Variants in BDH1 observed in about 807,000 individuals in gnomAD.
The protein encoded by BDH1 is D-beta-hydroxybutyrate dehydrogenase, mitochondrial.
In BDH1, 30 loss-of-function variants were observed where a neutral mutation model predicts 33.1. The observed-to-expected ratio is 0.91, with a 90% CI of 0.68 to 1.23. The LOEUF (loss-of-function observed/expected upper bound fraction) is 1.23, where lower values mean the gene tolerates loss of function less well. BDH1 is among the 50% of genes most tolerant of loss of function. The probability of loss-of-function intolerance (pLI) is 0.00; values close to 1 mark genes in which losing one functional copy is unlikely to be tolerated. For missense variants in BDH1, 443 were observed against 464.4 expected (o/e 0.95, Z 0.42); for synonymous variants, 190 against 183.6 (o/e 1.03, Z -0.28).
At position 197,533,505 on chromosome 3, in the gene BDH1, G is replaced by A. The variant is rs1438031686; in HGVS notation, c.140C>T (p.Ala47Val). The change falls in exon 4 of 8, where the codon GCC becomes GTC. Residue 47 changes from alanine (A) to valine (V), a missense_variant. By Grantham distance (64) the Ala-to-Val change is moderately conservative. Transcript: ENST00000392379. ...SFIPIGRRTYASAAEPVGSKA... is the reference protein window; with the variant it reads ...SFIPIGRRTYVSAAEPVGSKA... Reference sequence around the variant, plus strand: ...TCCACTCACCGGCTCCGCCGCACTGGCATAAGTCCGACGGCCAATCGGGAT... The same window carrying A: ...TCCACTCACCGGCTCCGCCGCACTGACATAAGTCCGACGGCCAATCGGGAT... 6.2e-7 allele frequency: 1 copy of A among 1,614,244 alleles called. No homozygotes were observed. Among genetic ancestry groups the A allele is most frequent in the Non-Finnish European group, 8.5e-7 (1 of 1,180,034 alleles).
intron 1 of BDH1, among the ~76,000 whole-genome samples, chr3:197,555,038 C>T (rs972550742): frequency 6.6e-6 from 1 of 152,236 alleles, no homozygotes; most frequent in African/African-American, 2.4e-5. Flanking sequence ...CCAGCCAAAG[C>T]CCCCTTGTCC....
At chr3:197,524,849 G>A (rs991848549) in intron 5 of BDH1, among the ~76,000 whole-genome samples, 7 of 152,112 alleles carry the variant, frequency 4.6e-5, no homozygotes, top group African/African-American at 9.7e-5. Context: ...CACCGCTTCC[G>A]TTCCTGGACT....
At chr3:197,567,476 C>T (rs1429829932) in intron 1 of BDH1, among the ~76,000 whole-genome samples, 1 of 152,148 alleles carries the variant, frequency 6.6e-6, no homozygotes, top group Non-Finnish European at 1.5e-5. Flanking sequence ...ACCTGGAAGC[C>T]CCCTCCCTGT....
intron 3 of BDH1, among the ~76,000 whole-genome samples, chr3:197,542,714 G>T (rs1715756386): frequency 6.6e-6 from 1 of 151,954 alleles, no homozygotes; most frequent in South Asian, 2.1e-4. Flanking sequence ...TAGAGACGGG[G>T]CTTCTCCATG....
chr3:197,513,722 T>C (rs911978532), intron 7 of BDH1, among the ~76,000 whole-genome samples: 9 of 152,214 alleles, frequency 5.9e-5, no homozygotes, highest in East Asian at 5.8e-4. Flanking sequence ...TTTGCCACAA[T>C]TGTTTGCTAT....
At chr3:197,560,187 G>T (rs1190036584), upstream of BDH1, among the ~76,000 whole-genome samples, 1 of 152,182 alleles carries the variant, frequency 6.6e-6, no homozygotes, top group Non-Finnish European at 1.5e-5. Context: ...GGAATAAATA[G>T]TAACTTCTCT....
At position 197,520,587 on chromosome 3, in the gene BDH1, C is replaced by T. The variant is rs868817209; in HGVS notation, c.409+2053G>A. Among the ~76,000 whole-genome samples, 107 of 152,102 alleles carry T rather than the reference C, an allele frequency of 7.0e-4. No homozygotes were observed. The highest frequency in any genetic ancestry group is 2.5e-3 in the African/African-American group (103 of 41,414). On this transcript the variant is annotated intron_variant, in intron 6 of 7. Coordinates refer to ENST00000392379, the MANE Select transcript of BDH1 (RefSeq NM_203314.3). The surrounding 1 kb of genome is among the most constrained non-coding windows in gnomAD (Gnocchi z 6.0). ...CCAGCCTGAGCAAGCCGGCCTGGTG[C>T]GTTCTCTGCTTGGGTCTCCGGTGAT...
At position 197,512,070 on chromosome 3, in the gene BDH1, G is replaced by T; in HGVS notation, c.857C>A (p.Thr286Asn). The T allele has an allele frequency of 6.2e-7, 1 of 1,614,188 alleles. No individual in the cohort carries two copies. The highest frequency in any genetic ancestry group is 8.5e-7 in the Non-Finnish European group (1 of 1,180,030). Residue 286 changes from threonine (T) to asparagine (N), a missense_variant, in exon 8 of 8, where the codon ACC (threonine) becomes AAC (asparagine). Transcript: ENST00000392379. Reference protein sequence around the residue: ...YFDEKIAKMETYCSSGSTDTS... With the variant: ...YFDEKIAKMENYCSSGSTDTS... ...GTCTGTGGAGCCACTGCTGCAGTAG[G>T]TCTCCATCTTGGCGATCTTTTCATC...
At chr3:197,529,263 A>G (rs960278477) in intron 5 of BDH1, 1 of 152,250 alleles carries the variant, frequency 6.6e-6, no homozygotes, top group African/African-American at 2.4e-5. Context: ...AGGCAAAGAT[A>G]TATGTGCAAG....
upstream of BDH1, among the ~76,000 whole-genome samples, chr3:197,559,409 T>G (rs1164225619): frequency 6.6e-6 from 1 of 152,242 alleles, no homozygotes; most frequent in Non-Finnish European, 1.5e-5. Flanking sequence ...TTCTCATTAT[T>G]CTCCCCCTTT....
intron 1 of BDH1, among the ~76,000 whole-genome samples, chr3:197,562,000 T>C (rs570588015): frequency 6.6e-6 from 1 of 152,310 alleles, no homozygotes. Flanking sequence ...TGGAGTGTTG[T>C]GTTTTCTCTG....
At chr3:197,529,027 TG>T (rs1167319889) in intron 5 of BDH1, 1 of 152,232 alleles carries the variant, frequency 6.6e-6, no homozygotes, top group Admixed American at 6.5e-5. Context: ...TGGTTCTTGC[TG>T]GGACCCGCTG....
At chr3:197,536,613 G>C (rs2108747621) in intron 3 of BDH1, among the ~76,000 whole-genome samples, 1 of 152,204 alleles carries the variant, frequency 6.6e-6, no homozygotes, top group African/African-American at 2.4e-5. Flanking sequence ...GGCCGAGGCA[G>C]GTGGATCAAC....
At chr3:197,572,111 C>T (rs1717627918) in intron 1 of BDH1, among the ~76,000 whole-genome samples, 1 of 152,002 alleles carries the variant, frequency 6.6e-6, no homozygotes, top group Non-Finnish European at 1.5e-5. Context: ...TAAAGCATGA[C>T]AAAATAATGA....
chr3:197,552,923 T>C (rs1181084618), intron 2 of BDH1, among the ~76,000 whole-genome samples: 1 of 152,184 alleles, frequency 6.6e-6, no homozygotes, highest in Non-Finnish European at 1.5e-5. Context: ...CAATATTGAT[T>C]GATTGATTCA....
At chr3:197,569,246 G>GTT (rs34469658) in intron 1 of BDH1, among the ~76,000 whole-genome samples, 23 of 150,882 alleles carry the variant, frequency 1.5e-4, no homozygotes, top group East Asian at 9.7e-4. Context: ...TTGGAGTACA[G>GTT]TTTTTTTTTT....
chr3:197,524,718 T>G (rs1713912458), intron 5 of BDH1, among the ~76,000 whole-genome samples: 1 of 141,030 alleles, frequency 7.1e-6, no homozygotes, highest in Non-Finnish European at 1.5e-5. Context: ...GGTGGGGGGT[T>G]GTTTGGAGGT....
At chr3:197,532,634 C>T (rs755498143) in intron 4 of BDH1, 112 bp from the exon 5 acceptor site, 98 of 714,402 alleles carry the variant, frequency 1.4e-4, no homozygotes, top group Non-Finnish European at 2.1e-4. Flanking sequence ...TGGCCCAAGC[C>T]TGGCCCTCCC....
chr3:197,524,479 G>A (rs201718141), intron 5 of BDH1, among the ~76,000 whole-genome samples: 2 of 152,314 alleles, frequency 1.3e-5, no homozygotes, highest in Admixed American at 1.3e-4. Flanking sequence ...AATTTCAGAG[G>A]GCACAGGAGG....
Sources: gnomAD v4.1 joint callset for allele counts (sites outside exome capture counted in the v4.1 genomes callset) on GRCh38, gnomAD v4.1.1 for gene constraint, Gnocchi (gnomAD v3.1) non-coding constraint, MANE v1.5 for transcripts, NCBI Gene and HGNC (gene_info 2026-07-23, HGNC 2026-07-21) for gene names.